The following AGTPBP1 variants were observed in gnomAD, a reference collection of about 807,000 sequenced individuals.
AGTPBP1 encodes the protein ATP/GTP binding carboxypeptidase 1.
A neutral mutation model predicts 143.9 loss-of-function variants in AGTPBP1; 70 were observed. The observed-to-expected ratio is 0.49, with a 90% CI of 0.40 to 0.59. AGTPBP1 has a LOEUF of 0.59. Ranked by LOEUF, AGTPBP1 falls within the 20% of genes least tolerant of loss-of-function variation. AGTPBP1 has a pLI of 0.00. For missense variants in AGTPBP1, 1,229 were observed against 1,464.5 expected, an observed-to-expected ratio of 0.84 and a Z score of 2.62; for synonymous variants, 463 against 500.2, an observed-to-expected ratio of 0.93 and a Z score of 0.99.
At chr9:85,628,192 C>G (rs557549164) in intron 14 of AGTPBP1, among the ~76,000 whole-genome samples, 1 of 152,260 alleles carries the variant, frequency 6.6e-6, no homozygotes, top group Admixed American at 6.5e-5. Context: ...TCCTATACAT[C>G]TAAGTAATAT....
At chr9:85,616,968 A>T (rs1159134940) in intron 17 of AGTPBP1, among the ~76,000 whole-genome samples, 1 of 152,128 alleles carries the variant, frequency 6.6e-6, no homozygotes, top group Non-Finnish European at 1.5e-5. Context: ...TACTTAAGCC[A>T]TTTAAAAATC....
Position 85,657,428 on chromosome 9 carries a change from A to G in AGTPBP1, c.909+7T>C. ...ATAATCACAATAATAAGAAGAAAATAACTCACTTGCGAAGTATTATACAGA... is the reference window on the plus strand; with the variant it reads ...ATAATCACAATAATAAGAAGAAAATGACTCACTTGCGAAGTATTATACAGA... On this transcript the variant is annotated splice_region_variant and intron_variant, in intron 10 of 25. Transcript: ENST00000357081. The G allele has an allele frequency of 6.2e-7, 1 of 1,600,782 alleles. No individual in the cohort carries two copies. The highest frequency in any genetic ancestry group is 8.5e-7 in the Non-Finnish European group (1 of 1,172,176).
At chr9:85,674,974 G>A (rs1340601485) in intron 6 of AGTPBP1, among the ~76,000 whole-genome samples, 2 of 151,982 alleles carry the variant, frequency 1.3e-5, no homozygotes, top group African/African-American at 4.8e-5. Context: ...TCGGCTCACT[G>A]CAACCTCCAC....
intron 5 of AGTPBP1, 38 bp from the exon 6 acceptor site, chr9:85,677,620 T>TA (rs759635855): frequency 1.3e-4 from 181 of 1,427,820 alleles, no homozygotes; most frequent in South Asian, 3.4e-4. Context: ...AACAACAAAT[T>TA]AAAAAAAAAT....
At chr9:85,549,905 A>G (rs892111558) in intron 25 of AGTPBP1, among the ~76,000 whole-genome samples, 2 of 152,184 alleles carry the variant, frequency 1.3e-5, no homozygotes, top group East Asian at 3.8e-4. Context: ...CACCCATTCT[A>G]GTAAGAGTAT....
chr9:85,744,078 G>A (rs1322892114), upstream of AGTPBP1, among the ~76,000 whole-genome samples: 1 of 151,776 alleles, frequency 6.6e-6, no homozygotes. Context: ...ACAGGCACAC[G>A]TCACCACACC....
At chr9:85,775,775 G>T in the AGTPBP1 span, among the ~76,000 whole-genome samples, 1 of 151,908 alleles carries the variant, frequency 6.6e-6, no homozygotes, top group Non-Finnish European at 1.5e-5. Context: ...AGGCTGGGAG[G>T]CTAGGCCAGT....
intron 17 of AGTPBP1, among the ~76,000 whole-genome samples, chr9:85,617,308 T>C (rs1830651998): frequency 6.6e-6 from 1 of 152,196 alleles, no homozygotes; most frequent in Non-Finnish European, 1.5e-5. Flanking sequence ...GATTGAGACC[T>C]TGGAGATTTT....
chr9:85,593,589 A>G (rs1829109411), intron 18 of AGTPBP1, among the ~76,000 whole-genome samples: 1 of 152,192 alleles, frequency 6.6e-6, no homozygotes, highest in Non-Finnish European at 1.5e-5. Flanking sequence ...ATTGTCTTAA[A>G]CAGCCTTTGT....
chr9:85,660,986 CAAG>C lies in AGTPBP1; in HGVS notation c.663-16_663-14del. 1 of 1,585,284 alleles carries C rather than the reference CAAG, an allele frequency of 6.3e-7. No individual in the cohort carries two copies. Among genetic ancestry groups the C allele is most frequent in the East Asian group, 2.3e-5 (1 of 43,856 alleles). On this transcript the variant is annotated splice_polypyrimidine_tract_variant and intron_variant, in intron 8 of 25. Coordinates refer to ENST00000357081, the MANE Select transcript of AGTPBP1 (RefSeq NM_001330701.2). ...GTCTAAAGCAACCCTGTCAACACAA[CAAG>C]AAAACACAAACAACAACAAAACTAG...
At chr9:85,649,981 G>A (rs1345143816) in intron 11 of AGTPBP1, among the ~76,000 whole-genome samples, 1 of 148,884 alleles carries the variant, frequency 6.7e-6, no homozygotes, top group East Asian at 2.0e-4. Context: ...TGATCTGTAG[G>A]TTGTTTCAGA....
intron 4 of AGTPBP1, among the ~76,000 whole-genome samples, chr9:85,678,888 G>C (rs1048392106): frequency 1.3e-5 from 2 of 152,084 alleles, no homozygotes; most frequent in Admixed American, 6.6e-5. Context: ...TTTGCACCTT[G>C]ATATTTTACA....
At chr9:85,719,697 G>A (rs1016541763) in intron 1 of AGTPBP1, among the ~76,000 whole-genome samples, 1 of 152,190 alleles carries the variant, frequency 6.6e-6, no homozygotes, top group Non-Finnish European at 1.5e-5. Flanking sequence ...TCAACACTAT[G>A]TTGAATAGGA....
the AGTPBP1 span, among the ~76,000 whole-genome samples, chr9:85,769,531 A>G: frequency 2.0e-5 from 3 of 151,760 alleles, no homozygotes; most frequent in Non-Finnish European, 4.4e-5. Context: ...AAAAAAAAAA[A>G]AAAAAAAAAG....
intron 25 of AGTPBP1, among the ~76,000 whole-genome samples, chr9:85,556,621 A>C (rs1243958815): frequency 5.3e-5 from 8 of 152,174 alleles, no homozygotes; most frequent in Admixed American, 5.2e-4. Flanking sequence ...TGGGACTAGA[A>C]GGATGGAAAA....
At chr9:85,645,632 GGAAA>G (rs901817651) in intron 12 of AGTPBP1, among the ~76,000 whole-genome samples, 1 of 151,920 alleles carries the variant, frequency 6.6e-6, no homozygotes, top group Admixed American at 6.6e-5. Context: ...GGTCCAAACA[GGAAA>G]GAGTCAAATT....
chr9:85,595,598 C>G (rs2133266040), intron 18 of AGTPBP1, among the ~76,000 whole-genome samples: 1 of 152,312 alleles, frequency 6.6e-6, no homozygotes, highest in Admixed American at 6.5e-5. Flanking sequence ...GCGATCTCGG[C>G]TCATTGCAAC....
chr9:85,672,409 G>T, intron 7 of AGTPBP1, 141 bp downstream of exon 7: 1 of 975,168 alleles, frequency 1.0e-6, no homozygotes, highest in Non-Finnish European at 1.5e-6. Context: ...TGTGGTTGGA[G>T]TCAAGAGTTA....
chr9:85,657,823 G>A (rs1833623959), intron 9 of AGTPBP1, among the ~76,000 whole-genome samples, 180 bp from the exon 10 acceptor site: 1 of 152,070 alleles, frequency 6.6e-6, no homozygotes, highest in Non-Finnish European at 1.5e-5. Context: ...GTTCCAGAGA[G>A]AAAATTACAA....
Sources: gnomAD v4.1 joint callset for allele counts (sites outside exome capture counted in the v4.1 genomes callset) on GRCh38, gnomAD v4.1.1 for gene constraint, MANE v1.5 for transcripts, NCBI Gene and HGNC (gene_info 2026-07-23, HGNC 2026-07-21) for gene names.